The following ASTN2 variants were observed in gnomAD, a reference collection of about 807,000 sequenced individuals.
ASTN2 encodes the protein astrotactin 2.
A neutral mutation model predicts 139.8 loss-of-function variants in ASTN2; 54 were observed. That is an observed-to-expected ratio of 0.39 (90% CI 0.31 to 0.48). The LOEUF (loss-of-function observed/expected upper bound fraction) is 0.48. Ranked by LOEUF, ASTN2 falls within the 20% of genes least tolerant of loss-of-function variation. The pLI is 0.95. For synonymous variants in ASTN2, 756 were observed against 719.5 expected (o/e 1.05, Z -0.81); for missense variants, 1,565 against 1,725.1 (o/e 0.91, Z 1.64).
intron 16 of ASTN2, among the ~76,000 whole-genome samples, chr9:116,725,080 T>A (rs1373323609): frequency 6.6e-6 from 1 of 152,206 alleles, no homozygotes; most frequent in Non-Finnish European, 1.5e-5. Context: ...AAACCACTTA[T>A]CTTTAATGTG....
intron 1 of ASTN2, among the ~76,000 whole-genome samples, chr9:117,407,952 T>C (rs1007933324): frequency 6.6e-6 from 1 of 152,184 alleles, no homozygotes; most frequent in Admixed American, 6.5e-5. Context: ...AACCCGACTC[T>C]TTTTTTCCTT....
At chr9:116,968,898 C>CAAAAA (rs34706777) in intron 10 of ASTN2, among the ~76,000 whole-genome samples, 4 of 93,606 alleles carry the variant, frequency 4.3e-5, no homozygotes, top group East Asian at 3.0e-4. Context: ...GACTCTGTCT[C>CAAAAA]AAAAAAAAAA....
At chr9:117,185,420 G>T (rs1259211668) in intron 3 of ASTN2, among the ~76,000 whole-genome samples, 1 of 152,146 alleles carries the variant, frequency 6.6e-6, no homozygotes. Context: ...TTGAGGATCT[G>T]CCACATTCAC....
intron 1 of ASTN2, among the ~76,000 whole-genome samples, chr9:117,355,468 G>A (rs1829514370): frequency 6.6e-6 from 1 of 152,122 alleles, no homozygotes; most frequent in South Asian, 2.1e-4. Context: ...CTAGAAAAGG[G>A]CAATGGAGTG....
chr9:117,262,928 T>A (rs780522377), intron 2 of ASTN2, among the ~76,000 whole-genome samples: 26 of 152,234 alleles, frequency 1.7e-4, no homozygotes, highest in Non-Finnish European at 2.5e-4. Flanking sequence ...ATGAGTGGCT[T>A]CCAGAAGCTG....
chr9:116,718,730 A>G (rs1002103219), intron 16 of ASTN2, among the ~76,000 whole-genome samples: 10 of 151,760 alleles, frequency 6.6e-5, no homozygotes, highest in South Asian at 2.1e-4. Context: ...CTGGACTCCA[A>G]TGGAAACATC....
chr9:117,386,432 G>A (rs533909672), intron 1 of ASTN2, among the ~76,000 whole-genome samples: 2 of 152,236 alleles, frequency 1.3e-5, no homozygotes, highest in African/African-American at 4.8e-5. Context: ...CAAGTCTCAG[G>A]GACCTAGGAA....
chr9:116,722,250 GCA>G (rs1564231959), intron 16 of ASTN2, among the ~76,000 whole-genome samples: 3 of 120,880 alleles, frequency 2.5e-5, no homozygotes, highest in African/African-American at 8.7e-5. Context: ...AACATCTGAC[GCA>G]CACACAAAAA....
At chr9:117,065,455 G>C (rs966610419) in intron 5 of ASTN2, among the ~76,000 whole-genome samples, 3 of 152,080 alleles carry the variant, frequency 2.0e-5, no homozygotes, top group African/African-American at 7.2e-5. Context: ...CCATGAGCTG[G>C]ATTTGCACAA....
At chr9:117,340,604 C>T (rs1378436095) in intron 1 of ASTN2, among the ~76,000 whole-genome samples, 1 of 152,110 alleles carries the variant, frequency 6.6e-6, no homozygotes, top group Non-Finnish European at 1.5e-5. Context: ...GAATCTGGCT[C>T]TTCCCCTTCC....
At chr9:117,281,883 G>A (rs1056649930) in intron 2 of ASTN2, among the ~76,000 whole-genome samples, 7 of 152,090 alleles carry the variant, frequency 4.6e-5, no homozygotes, top group Non-Finnish European at 8.8e-5. Flanking sequence ...TGCTGTCTGG[G>A]CTTGATTGCC....
chr9:117,102,931 G>A (rs540948582), intron 4 of ASTN2, among the ~76,000 whole-genome samples: 1 of 152,124 alleles, frequency 6.6e-6, no homozygotes, highest in Admixed American at 6.6e-5. Flanking sequence ...CCATAAATGG[G>A]GAATGTGAGA....
At chr9:116,534,244 TTC>T (rs1362187246) in intron 19 of ASTN2, among the ~76,000 whole-genome samples, 14 of 152,216 alleles carry the variant, frequency 9.2e-5, no homozygotes, top group Admixed American at 3.3e-4. Flanking sequence ...TATTAGATTC[TTC>T]TCTCTTTTCT....
intron 10 of ASTN2, among the ~76,000 whole-genome samples, chr9:116,950,276 T>C (rs113936399): frequency 0.049 from 7,500 of 152,270 alleles, 279 homozygotes; most frequent in Admixed American, 0.1. Flanking sequence ...CATTGCTAAA[T>C]GTCCCTTGGG....
chr9:117,174,187 A>C (rs561298415), intron 3 of ASTN2, among the ~76,000 whole-genome samples: 6 of 151,990 alleles, frequency 3.9e-5, no homozygotes, highest in Admixed American at 1.3e-4. Context: ...TAGACACACA[A>C]CCATGAATAC....
intron 10 of ASTN2, among the ~76,000 whole-genome samples, chr9:116,964,218 T>TGGGGG (rs751010287): frequency 1.5e-5 from 1 of 68,500 alleles, no homozygotes; most frequent in African/African-American, 5.3e-5. Context: ...TGCCCTGGGG[T>TGGGGG]GTGTGTGTGT....
chr9:117,407,660 C>G (rs374735335), intron 1 of ASTN2, among the ~76,000 whole-genome samples: 1 of 152,246 alleles, frequency 6.6e-6, no homozygotes, highest in East Asian at 1.9e-4. Context: ...AAAGGGAGTT[C>G]TTTTGGGGGG....
chr9:116,685,576 C>T (rs1371121148), intron 16 of ASTN2, among the ~76,000 whole-genome samples: 1 of 152,098 alleles, frequency 6.6e-6, no homozygotes, highest in Non-Finnish European at 1.5e-5. Context: ...AAGCACTCCA[C>T]AAAGATTATT....
chr9:116,909,408 G>T (rs1468845328), intron 10 of ASTN2, among the ~76,000 whole-genome samples: 4 of 152,204 alleles, frequency 2.6e-5, no homozygotes, highest in Non-Finnish European at 5.9e-5. Flanking sequence ...AACTAGTCAA[G>T]GATAACTCCA....
Sources: allele counts gnomAD v4.1 joint callset (sites outside exome capture counted in the v4.1 genomes callset), GRCh38; gene constraint gnomAD v4.1.1; transcripts MANE v1.5; gene names NCBI Gene and HGNC (gene_info 2026-07-23, HGNC 2026-07-21).